Variants in GNA13 observed in about 807,000 individuals in gnomAD.
GNA13 encodes G protein subunit alpha 13.
In GNA13, 4 loss-of-function variants were observed where a neutral mutation model predicts 33.5. That is an observed-to-expected ratio of 0.12 (90% confidence interval 0.06 to 0.27). GNA13 has a LOEUF of 0.27. GNA13 is among the 10% of genes least tolerant of loss of function. GNA13 has a pLI of 1.00. For synonymous variants in GNA13, 176 were observed against 183.8 expected (o/e 0.96, Z 0.34); for missense variants, 319 against 487.2 (o/e 0.65, Z 3.25).
chr17:65,055,017 C>T (rs1056364519), intron 1 of GNA13, among the ~76,000 whole-genome samples: 1 of 133,570 alleles, frequency 7.5e-6, no homozygotes, highest in Non-Finnish European at 1.5e-5. Context: ...GCTCTTCAGG[C>T]AGTTTTCCTT....
At position 65,014,422 on chromosome 17, in the gene GNA13, T is replaced by C. The variant is rs1455186945; in HGVS notation, c.969A>G (p.Gln323=). 3.7e-6 allele frequency: 6 copies of C among 1,614,198 alleles called. No individual in the cohort carries two copies. The highest frequency in any genetic ancestry group is 5.1e-6 in the Non-Finnish European group (6 of 1,180,034). Residue 323 remains glutamine (Q), a synonymous_variant, in exon 4 of 4, where the codon CAA becomes CAG. Coordinates refer to ENST00000439174, the MANE Select transcript of GNA13 (RefSeq NM_006572.6). The surrounding 1 kb of genome is among the most constrained non-coding windows in gnomAD (Gnocchi z 5.3). The stretch of plus-strand genomic sequence containing the variant: ...TCCGGAAACATTCCACCAGGAATTT[T>C]TGGACGTCTCTTAAGCAGTGGGGAT... ...EGDPHCLRDV[Q]KFLVECFRNK...
intron 2 of GNA13, among the ~76,000 whole-genome samples, chr17:65,048,746 G>A (rs1005316804): frequency 1.3e-5 from 2 of 152,246 alleles, no homozygotes; most frequent in South Asian, 2.1e-4. Context: ...CCCTTGTCCC[G>A]AAAATTGATT....
At chr17:65,029,236 A>G (rs1906913620) in intron 2 of GNA13, among the ~76,000 whole-genome samples, 1 of 152,128 alleles carries the variant, frequency 6.6e-6, no homozygotes, top group African/African-American at 2.4e-5. Context: ...CTCCAACATT[A>G]TCTCCTACTT....
At position 65,056,619 on chromosome 17, in the gene GNA13, C is replaced by G; in HGVS notation, c.-26G>C. 6.3e-7 allele frequency: 1 copy of G among 1,590,768 alleles called. No homozygotes were observed. Among genetic ancestry groups the G allele is most frequent in the Non-Finnish European group, 8.5e-7 (1 of 1,172,954 alleles). On this transcript the variant is annotated 5_prime_UTR_variant, in exon 1 of 4. Coordinates refer to ENST00000439174, the MANE Select transcript of GNA13 (RefSeq NM_006572.6). Reference sequence around the variant, plus strand: ...CTTGCCGCCGCCGCCGCCGCCTCGGCGGGCCCCTCCGGCTCCCTCCACCTC... The same window carrying G: ...CTTGCCGCCGCCGCCGCCGCCTCGGGGGGCCCCTCCGGCTCCCTCCACCTC...
intron 2 of GNA13, among the ~76,000 whole-genome samples, chr17:65,026,715 A>G (rs758209695): frequency 4.6e-5 from 7 of 152,210 alleles, no homozygotes; most frequent in Admixed American, 2.6e-4. Context: ...AACTCATCAA[A>G]ATGTAACAGT....
At chr17:65,039,920 A>G (rs757172425) in intron 2 of GNA13, among the ~76,000 whole-genome samples, 4 of 152,212 alleles carry the variant, frequency 2.6e-5, no homozygotes, top group Non-Finnish European at 5.9e-5. Flanking sequence ...TCAGAATAAC[A>G]CATTTCCTGT....
At chr17:65,020,892 C>G (rs1350262435) in intron 2 of GNA13, among the ~76,000 whole-genome samples, 1 of 152,090 alleles carries the variant, frequency 6.6e-6, no homozygotes, top group Non-Finnish European at 1.5e-5. Context: ...CTCAGGTGAT[C>G]CACCCGTCTC....
At chr17:65,038,256 C>T (rs1907330252) in intron 2 of GNA13, among the ~76,000 whole-genome samples, 1 of 152,056 alleles carries the variant, frequency 6.6e-6, no homozygotes, top group Non-Finnish European at 1.5e-5. Flanking sequence ...TACAAAAATT[C>T]ACCGGGCCTG....
Position 65,042,202 on chromosome 17 carries a change from T to C in GNA13, c.510+11300A>G, listed in dbSNP as rs934846762. On this transcript the variant is annotated intron_variant, in intron 2 of 3. Transcript: ENST00000439174. ...GGAGAAACCTTGTCTCTACTAAAAATACAAAATTAGCCAGGTGTGGTGGCA... is the reference window on the plus strand; with the variant it reads ...GGAGAAACCTTGTCTCTACTAAAAACACAAAATTAGCCAGGTGTGGTGGCA... Among the ~76,000 whole-genome samples, 41 of 151,556 alleles carry C rather than the reference T, an allele frequency of 2.7e-4. 1 individual carries two copies. The highest frequency in any genetic ancestry group is 2.5e-3 in the Admixed American group (38 of 15,208).
intron 2 of GNA13, among the ~76,000 whole-genome samples, chr17:65,044,578 A>G (rs1380411914): frequency 6.6e-6 from 1 of 151,992 alleles, no homozygotes; most frequent in African/African-American, 2.4e-5. Context: ...AGGTGGGAGA[A>G]TTAATCGAAC....
At chr17:65,051,478 G>A (rs1243778185) in intron 2 of GNA13, among the ~76,000 whole-genome samples, 1 of 152,114 alleles carries the variant, frequency 6.6e-6, no homozygotes, top group Non-Finnish European at 1.5e-5. Flanking sequence ...AGCCAGGTGT[G>A]GTGGCGCATG....
In GNA13 at chr17:65,053,704, C is replaced by T. The variant is rs200512437; in HGVS notation, c.308G>A (p.Arg103Gln). ...TCCCCAGGGAATATGAAGCTTCTCT[C>T]GAGCATCAACCAGCACCCTCATACC... ...IKGMRVLVDA[R>Q]EKLHIPWGDN... is the part of the protein sequence containing the mutation. The change falls in exon 2 of 4, where the codon CGA becomes CAA. Residue 103 changes from arginine to glutamine, a missense_variant. Coordinates refer to ENST00000439174, the MANE Select transcript of GNA13 (RefSeq NM_006572.6). 117 of 1,612,500 alleles carry T rather than the reference C, an allele frequency of 7.3e-5. No individual in the cohort carries two copies. The highest frequency in any genetic ancestry group is 9.4e-5 in the African/African-American group (7 of 74,766).
At chr17:65,028,647 A>T (rs1483220561) in intron 2 of GNA13, among the ~76,000 whole-genome samples, 3 of 152,160 alleles carry the variant, frequency 2.0e-5, no homozygotes, top group Non-Finnish European at 2.9e-5. Flanking sequence ...ATGACTGCAG[A>T]TCACTTGTCT....
chr17:65,038,013 C>T (rs1907320917), intron 2 of GNA13, among the ~76,000 whole-genome samples: 1 of 152,140 alleles, frequency 6.6e-6, no homozygotes, highest in African/African-American at 2.4e-5. Context: ...ACCCATACAT[C>T]TCACAGAGAT....
chr17:65,047,969 T>C (rs1907725814), intron 2 of GNA13, among the ~76,000 whole-genome samples: 1 of 152,222 alleles, frequency 6.6e-6, no homozygotes, highest in Admixed American at 6.5e-5. Context: ...GAATACACTA[T>C]CTTATCGGCT....
chr17:65,018,163 A>C, intron 3 of GNA13, 90 bp downstream of exon 3: 1 of 586,152 alleles, frequency 1.7e-6, no homozygotes, highest in Non-Finnish European at 3.2e-6. Flanking sequence ...AAATAGCTTA[A>C]TACATAATTT....
chr17:65,018,889 G>C (rs1399668367), intron 2 of GNA13, among the ~76,000 whole-genome samples: 1 of 152,104 alleles, frequency 6.6e-6, no homozygotes, highest in Non-Finnish European at 1.5e-5. Flanking sequence ...TTTTCTCGAC[G>C]AAACTTCCAA....
At position 65,056,377 on chromosome 17, in the gene GNA13, C is replaced by G. The variant is rs1598505876; in HGVS notation, c.217G>C (p.Gly73Arg). ...CGCGCGCGCTGGTCGAAGTCCTGCC[C>G]GTGGATGATCCGCATCTGCTTCAGG... ...TFLKQMRIIH[G>R]QDFDQRAREE... Residue 73 changes from glycine (G) to arginine (R), a missense_variant, in exon 1 of 4, where the codon GGG (glycine) becomes CGG (arginine). Physicochemically the swap from Gly to Arg is moderately radical, Grantham distance 125. Transcript: ENST00000439174. 6.2e-7 allele frequency: 1 copy of G among 1,613,550 alleles called. No homozygotes were observed. Among genetic ancestry groups the G allele is most frequent in the Non-Finnish European group, 8.5e-7 (1 of 1,179,862 alleles).
At chr17:65,037,681 C>T (rs1052199626) in intron 2 of GNA13, among the ~76,000 whole-genome samples, 6 of 148,090 alleles carry the variant, frequency 4.1e-5, no homozygotes. Context: ...CCTGCAATCC[C>T]AACACATTGG....
Sources: gnomAD v4.1 joint callset for allele counts (sites outside exome capture counted in the v4.1 genomes callset) on GRCh38, gnomAD v4.1.1 for gene constraint, Gnocchi (gnomAD v3.1) non-coding constraint, MANE v1.5 for transcripts, NCBI Gene and HGNC (gene_info 2026-07-23, HGNC 2026-07-21) for gene names.